The following RBP2 variants were observed in gnomAD, a reference collection of about 807,000 sequenced individuals.
The protein encoded by RBP2 is retinol-binding protein 2.
RBP2 carries 17 observed loss-of-function variants against 17.0 expected under a neutral mutation model. That is an observed-to-expected ratio of 1.00 (90% CI 0.68 to 1.50). The LOEUF is 1.50. Among genes scored for constraint, RBP2 ranks in the 40% most tolerant of loss-of-function variants. The probability of loss-of-function intolerance (pLI) is 0.00; values close to 1 mark genes in which losing one functional copy is unlikely to be tolerated. For synonymous variants in RBP2, 48 were observed against 57.1 expected (o/e 0.84, Z 0.72); for missense variants, 158 against 168.2 (o/e 0.94, Z 0.33).
chr3:139,454,662 TG>T, intron 3 of RBP2, 66 bp downstream of exon 3: 1 of 1,495,648 alleles, frequency 6.7e-7, no homozygotes, highest in Non-Finnish European at 9.3e-7. Flanking sequence ...TCAAAACACC[TG>T]GCTAGGTGAC....
At chr3:139,474,708 A>G (rs1020492178) in intron 1 of RBP2, among the ~76,000 whole-genome samples, 2 of 152,074 alleles carry the variant, frequency 1.3e-5, no homozygotes, top group Non-Finnish European at 2.9e-5. Context: ...AGGTTAAAAA[A>G]CTGGTTCACG....
rs1420702746 is a variant in RBP2, at chr3:139,458,175, G to A, written c.253-3345C>T. The stretch of plus-strand genomic sequence containing the variant: ...TATTCTTGTAACTTTTCTGTAAGTT[G>A]GAATTACTCGCCAACACTTTTTTTT... On this transcript the variant is annotated intron_variant, in intron 2 of 3. Coordinates refer to ENST00000232217, the MANE Select transcript of RBP2 (RefSeq NM_004164.3). 2.0e-5 allele frequency among the ~76,000 whole-genome samples: 3 copies of A among 150,260 alleles called. No individual in the cohort carries two copies. The East Asian group carries it at 6.3e-4, about 32-fold the overall frequency.
At chr3:139,459,605 G>A (rs140288789) in intron 2 of RBP2, among the ~76,000 whole-genome samples, 64 of 150,872 alleles carry the variant, frequency 4.2e-4, no homozygotes, top group African/African-American at 1.5e-3. Context: ...CCTGAGCAAC[G>A]AGAGTGAAAC....
intron 1 of RBP2, among the ~76,000 whole-genome samples, chr3:139,464,483 A>G (rs1933296107): frequency 1.3e-5 from 2 of 151,386 alleles, no homozygotes; most frequent in South Asian, 4.2e-4. Context: ...GGTCACTATT[A>G]CTCCCCTTTT....
intron 1 of RBP2, among the ~76,000 whole-genome samples, chr3:139,463,435 C>G (rs1404172386): frequency 6.6e-6 from 1 of 152,174 alleles, no homozygotes; most frequent in Non-Finnish European, 1.5e-5. Context: ...ATCTGCCCAC[C>G]TCGGCCTCCC....
At chr3:139,465,438 A>T (rs1172798715) in intron 1 of RBP2, among the ~76,000 whole-genome samples, 1 of 152,074 alleles carries the variant, frequency 6.6e-6, no homozygotes, top group East Asian at 1.9e-4. Flanking sequence ...TTTTATCCTC[A>T]TTTTGCCACG....
At chr3:139,458,150 T>C (rs1202552321) in intron 2 of RBP2, among the ~76,000 whole-genome samples, 2 of 152,134 alleles carry the variant, frequency 1.3e-5, no homozygotes, top group Non-Finnish European at 2.9e-5. Flanking sequence ...TTTTTTGTTA[T>C]ATTCTTGTAA....
At chr3:139,457,404 G>C (rs1259965226) in intron 2 of RBP2, among the ~76,000 whole-genome samples, 1 of 152,170 alleles carries the variant, frequency 6.6e-6, no homozygotes, top group African/African-American at 2.4e-5. Context: ...CTTAGCCCTG[G>C]CATGTAGTAG....
At chr3:139,453,403 C>T (rs762654219) in intron 3 of RBP2, among the ~76,000 whole-genome samples, 3 of 152,236 alleles carry the variant, frequency 2.0e-5, no homozygotes, top group Non-Finnish European at 2.9e-5. Context: ...AAAGAAATGA[C>T]CCTCTTGGGC....
At chr3:139,472,392 C>T (rs578154917) in intron 1 of RBP2, among the ~76,000 whole-genome samples, 52 of 152,342 alleles carry the variant, frequency 3.4e-4, no homozygotes, top group African/African-American at 1.2e-3. Flanking sequence ...GTCTATGTCC[C>T]TTTTCCTTGA....
intron 1 of RBP2, among the ~76,000 whole-genome samples, chr3:139,464,962 C>T (rs1933309141): frequency 6.6e-6 from 1 of 152,144 alleles, no homozygotes; most frequent in African/African-American, 2.4e-5. Flanking sequence ...AAAAAGACTT[C>T]TATGGTTTAA....
chr3:139,457,563 T>C (rs780919036), intron 2 of RBP2, among the ~76,000 whole-genome samples: 2 of 152,216 alleles, frequency 1.3e-5, no homozygotes, highest in African/African-American at 2.4e-5. Context: ...TACCAATAAA[T>C]TATGATAATA....
intron 1 of RBP2, among the ~76,000 whole-genome samples, chr3:139,473,165 C>G (rs1231618032): frequency 6.6e-6 from 1 of 152,208 alleles, no homozygotes; most frequent in African/African-American, 2.4e-5. Context: ...AAGAAAGAAT[C>G]TGGGGTGAGA....
intron 1 of RBP2, among the ~76,000 whole-genome samples, chr3:139,474,396 G>A (rs979007216): frequency 2.0e-4 from 31 of 152,098 alleles, no homozygotes; most frequent in Admixed American, 1.8e-3. Flanking sequence ...CTAGAGAGGT[G>A]GGCTTTAGGG....
chr3:139,476,271 A>G lies in RBP2; in HGVS notation c.73+116T>C, dbSNP rs114762631. ...TCTGCCTAATATTGCACAGCTGTAC[A>G]TGAGGCATGAGGATTTGCCACAGGT... On this transcript the variant is annotated intron_variant, in intron 1 of 3. Coordinates refer to ENST00000232217, the MANE Select transcript of RBP2 (RefSeq NM_004164.3). 247 of 757,910 alleles carry G rather than the reference A, an allele frequency of 3.3e-4. 2 individuals carry two copies. The African/African-American group carries it at 3.5e-3, about 11-fold the overall frequency. 46.9% of individuals were successfully genotyped at this position (757,910 alleles called of 1,614,324 possible).
chr3:139,458,480 C>T (rs1933056795), intron 2 of RBP2, among the ~76,000 whole-genome samples: 1 of 152,194 alleles, frequency 6.6e-6, no homozygotes, highest in Non-Finnish European at 1.5e-5. Context: ...ATATAATTCA[C>T]AAAATATAAA....
chr3:139,463,732 C>T (rs1212075300), intron 1 of RBP2, among the ~76,000 whole-genome samples: 1 of 152,148 alleles, frequency 6.6e-6, no homozygotes, highest in Non-Finnish European at 1.5e-5. Flanking sequence ...ATGAAATCAT[C>T]ACTCTTGGTC....
At chr3:139,475,533 C>T (rs763288926) in intron 1 of RBP2, among the ~76,000 whole-genome samples, 7 of 152,014 alleles carry the variant, frequency 4.6e-5, no homozygotes, top group Non-Finnish European at 1.0e-4. Flanking sequence ...CACCCACTGC[C>T]GTTTCTCTCA....
intron 1 of RBP2, among the ~76,000 whole-genome samples, chr3:139,468,980 A>G (rs530362759): frequency 4.3e-4 from 66 of 152,314 alleles, no homozygotes; most frequent in African/African-American, 1.5e-3. Context: ...GAACAATACA[A>G]GCCATAAAGG....
Sources: allele counts gnomAD v4.1 joint callset (sites outside exome capture counted in the v4.1 genomes callset), GRCh38; gene constraint gnomAD v4.1.1; transcripts MANE v1.5; gene names NCBI Gene and HGNC (gene_info 2026-07-23, HGNC 2026-07-21).